The following PTPRD variants were observed in gnomAD, a reference collection of about 807,000 sequenced individuals.
PTPRD encodes the protein protein tyrosine phosphatase receptor type D, also known as receptor-type tyrosine-protein phosphatase delta.
PTPRD carries 34 observed loss-of-function variants against 214.5 expected under a neutral mutation model. The ratio of observed to expected loss-of-function variants is 0.16; its 90% CI spans 0.12 to 0.21. The LOEUF (loss-of-function observed/expected upper bound fraction) is 0.21. Ranked by LOEUF, PTPRD falls within the 10% of genes least tolerant of loss-of-function variation. The pLI, the probability that PTPRD is intolerant of heterozygous loss-of-function variation, is 1.00. For synonymous variants in PTPRD, 1,128 were observed against 845.7 expected (o/e 1.33, Z -5.79); for missense variants, 2,545 against 2,398.7 (o/e 1.06, Z -1.27).
At chr9:8,618,913 T>C (rs1298561867) in intron 14 of PTPRD, among the ~76,000 whole-genome samples, 1 of 86,790 alleles carries the variant, frequency 1.2e-5, no homozygotes, top group Non-Finnish European at 2.2e-5. Flanking sequence ...TGTGTTTTTT[T>C]GTTTTTTTTT....
chr9:9,375,777 T>C (rs1214593569), intron 9 of PTPRD, among the ~76,000 whole-genome samples: 34 of 152,096 alleles, frequency 2.2e-4, no homozygotes. Flanking sequence ...AGTAGGATGA[T>C]GGTTATCAAT....
chr9:10,556,439 T>G (rs2062613985), intron 2 of PTPRD, among the ~76,000 whole-genome samples: 1 of 152,096 alleles, frequency 6.6e-6, no homozygotes, highest in African/African-American at 2.4e-5. Flanking sequence ...ATATTTTATA[T>G]TTTCTATAGG....
At chr9:9,093,091 A>C (rs896422014) in intron 10 of PTPRD, among the ~76,000 whole-genome samples, 1 of 152,072 alleles carries the variant, frequency 6.6e-6, no homozygotes, top group African/African-American at 2.4e-5. Context: ...ATATGGAGGG[A>C]CATTGCATAG....
intron 3 of PTPRD, among the ~76,000 whole-genome samples, chr9:10,281,299 A>T (rs1023109528): frequency 6.6e-6 from 1 of 151,974 alleles, no homozygotes; most frequent in Non-Finnish European, 1.5e-5. Context: ...AGATACCAAA[A>T]ATTATTTTTC....
chr9:8,763,739 T>C (rs1305267813), intron 11 of PTPRD, among the ~76,000 whole-genome samples: 2 of 151,604 alleles, frequency 1.3e-5, no homozygotes, highest in Non-Finnish European at 2.9e-5. Context: ...GTTTTTCGTT[T>C]TCTAGAAGAG....
At chr9:8,883,560 C>G (rs952786967) in intron 11 of PTPRD, among the ~76,000 whole-genome samples, 1 of 152,148 alleles carries the variant, frequency 6.6e-6, no homozygotes, top group Admixed American at 6.5e-5. Context: ...TAAGGTCAGA[C>G]TTAATTGGAT....
At chr9:8,573,281 T>C (rs772405106) in intron 14 of PTPRD, among the ~76,000 whole-genome samples, 23 of 152,044 alleles carry the variant, frequency 1.5e-4, no homozygotes, top group Non-Finnish European at 2.4e-4. Context: ...AGAAAGGTAT[T>C]GGTGCTACTA....
chr9:10,080,576 C>T (rs1000591683), intron 3 of PTPRD, among the ~76,000 whole-genome samples: 1 of 152,022 alleles, frequency 6.6e-6, no homozygotes, highest in Non-Finnish European at 1.5e-5. Context: ...TATTTGAAAC[C>T]ATTAAGAAAC....
At chr9:9,732,958 G>C (rs1035977482) in intron 7 of PTPRD, among the ~76,000 whole-genome samples, 1 of 151,644 alleles carries the variant, frequency 6.6e-6, no homozygotes, top group South Asian at 2.1e-4. Flanking sequence ...AGTTCCTTTT[G>C]TTCATATTTA....
chr9:9,591,227 A>C (rs999610485), intron 7 of PTPRD, among the ~76,000 whole-genome samples: 14 of 151,974 alleles, frequency 9.2e-5, no homozygotes, highest in African/African-American at 3.1e-4. Context: ...AGAGGGAGGA[A>C]CCTGCCATTC....
intron 9 of PTPRD, among the ~76,000 whole-genome samples, 179 bp from the exon 10 acceptor site, chr9:9,183,542 G>A (rs10977553): frequency 0.41 from 61,611 of 151,806 alleles, 13,323 homozygotes; most frequent in South Asian, 0.62. Flanking sequence ...AATTGAAGTA[G>A]TGAAATGCCA....
intron 2 of PTPRD, among the ~76,000 whole-genome samples, chr9:10,357,886 A>G (rs2097306915): frequency 1.3e-5 from 2 of 152,194 alleles, no homozygotes; most frequent in Non-Finnish European, 1.5e-5. Flanking sequence ...TTAAAGAAAA[A>G]GAATTATATA....
intron 5 of PTPRD, among the ~76,000 whole-genome samples, chr9:9,828,625 C>A (rs990103724): frequency 6.6e-6 from 1 of 151,858 alleles, no homozygotes. Context: ...ACGTTGTGCA[C>A]GTGTACCATA....
intron 5 of PTPRD, among the ~76,000 whole-genome samples, chr9:9,921,568 T>A (rs1423604086): frequency 6.6e-6 from 1 of 151,632 alleles, no homozygotes; most frequent in Non-Finnish European, 1.5e-5. Context: ...CAAGAGAACT[T>A]ACAAATTACA....
chr9:9,778,826 C>T (rs1276355614), intron 5 of PTPRD, among the ~76,000 whole-genome samples: 1 of 150,978 alleles, frequency 6.6e-6, no homozygotes, highest in Admixed American at 6.6e-5. Flanking sequence ...TACAAAACAA[C>T]CAAAGTCATT....
intron 5 of PTPRD, among the ~76,000 whole-genome samples, chr9:9,911,439 G>C (rs1289745219): frequency 6.6e-6 from 1 of 152,112 alleles, no homozygotes; most frequent in East Asian, 1.9e-4. Context: ...AAATACACAC[G>C]AACCTCATGT....
chr9:10,491,389 G>A, intron 2 of PTPRD, among the ~76,000 whole-genome samples: 1 of 152,146 alleles, frequency 6.6e-6, no homozygotes. Flanking sequence ...ATAAGAATTA[G>A]ATCACTGAAG....
chr9:10,191,678 G>T (rs1407457566), intron 3 of PTPRD, among the ~76,000 whole-genome samples: 1 of 152,106 alleles, frequency 6.6e-6, no homozygotes, highest in Admixed American at 6.6e-5. Flanking sequence ...GGGTTGCTTA[G>T]TGACCCTCTC....
At chr9:10,597,667 G>A (rs972337108) in intron 2 of PTPRD, among the ~76,000 whole-genome samples, 1 of 151,764 alleles carries the variant, frequency 6.6e-6, no homozygotes, top group Non-Finnish European at 1.5e-5. Flanking sequence ...GGTAAGCAAA[G>A]ATTTCATTAA....
Sources: allele counts gnomAD v4.1 joint callset (sites outside exome capture counted in the v4.1 genomes callset), GRCh38; gene constraint gnomAD v4.1.1; transcripts MANE v1.5; gene names NCBI Gene and HGNC (gene_info 2026-07-23, HGNC 2026-07-21).